TTN: variants seen among roughly 807,000 people sequenced by gnomAD.
The protein encoded by TTN is titin.
Under a neutral mutation model 3,223.0 loss-of-function variants are expected in TTN, and 1,525 were observed. That is an observed-to-expected ratio of 0.47 (90% CI 0.45 to 0.49). The LOEUF (loss-of-function observed/expected upper bound fraction) is 0.49, where lower values mean the gene tolerates loss of function less well. Ranked by LOEUF, TTN falls within the 20% of genes least tolerant of loss-of-function variation. TTN has a pLI of 0.00. For synonymous variants in TTN, 14,094 were observed against 15,161.0 expected (o/e 0.93, Z 5.17); for missense variants, 40,786 against 43,424.0 (o/e 0.94, Z 5.40).
In TTN at chr2:178,795,059, T is replaced by G; in HGVS notation, c.1108A>C (p.Ile370Leu). 6.2e-7 allele frequency: 1 copy of G among 1,613,828 alleles called. No individual in the cohort carries two copies. Among genetic ancestry groups the G allele is most frequent in the Admixed American group, 1.7e-5 (1 of 60,024 alleles). Residue 370 changes from isoleucine (I) to leucine (L), a missense_variant, in exon 7 of 363, where the codon ATC becomes CTC. By Grantham distance (5) the Ile-to-Leu change is conservative (BLOSUM62 2). Transcript: ENST00000589042. ...CCTTCCCATCTCTCTTCTGTCCTGATCTGAGTAGAGGTTGTCAGCGTTGTC... is the reference window on the plus strand; with the variant it reads ...CCTTCCCATCTCTCTTCTGTCCTGAGCTGAGTAGAGGTTGTCAGCGTTGTC... Reference protein sequence around the residue: ...RETTLTTSTQIRTEERWEGRY... With the variant: ...RETTLTTSTQLRTEERWEGRY...
At position 178,567,384 on chromosome 2, in the gene TTN, A is replaced by G. The variant is rs758482142; in HGVS notation, c.78748T>C (p.Leu26250=). The G allele has an allele frequency of 1.0e-5, 16 of 1,596,880 alleles. No homozygotes were observed. Among genetic ancestry groups the G allele is most frequent in the Non-Finnish European group, 1.0e-5 (12 of 1,172,956 alleles). ...CTAATTGCATCTTTTACAATAAGTA[A>G]AGCCTTGAAATCTGTGTTCTTTATT... ...CEIKNTDFKA[L]LIVKDAIRID... The change falls in exon 326 of 363, where the codon TTA becomes CTA. Residue 26250 remains leucine (L), a synonymous_variant. Transcript: ENST00000589042.
At chr2:178,761,658 A>G (rs2089236392) in intron 43 of TTN, among the ~76,000 whole-genome samples, 1 of 152,148 alleles carries the variant, frequency 6.6e-6, no homozygotes, top group Non-Finnish European at 1.5e-5. Flanking sequence ...TAGCACTTAC[A>G]ACCTTGGGAT....
chr2:178,529,613 C>T (rs1191949357), intron 359 of TTN, among the ~76,000 whole-genome samples: 1 of 152,166 alleles, frequency 6.6e-6, no homozygotes, highest in Non-Finnish European at 1.5e-5. Context: ...ATTAACTTTG[C>T]ACTGCTTTGG....
intron 239 of TTN, 72 bp from the exon 240 acceptor site, chr2:178,629,515 T>C: frequency 6.3e-7 from 1 of 1,596,828 alleles, no homozygotes; most frequent in South Asian, 1.1e-5. Context: ...GAGACTTAGA[T>C]ATGAATCTTC....
chr2:178,785,565 G>C, intron 15 of TTN, 55 bp downstream of exon 15: 5 of 1,611,042 alleles, frequency 3.1e-6, no homozygotes, highest in Non-Finnish European at 2.5e-6. Flanking sequence ...CTGTTTCACA[G>C]GTTAGATACT....
chr2:178,783,309 A>T, intron 17 of TTN, among the ~76,000 whole-genome samples: 1 of 152,326 alleles, frequency 6.6e-6, no homozygotes, highest in East Asian at 1.9e-4. Flanking sequence ...GGTATCACCA[A>T]CTGGAATGAA....
intron 240 of TTN, 43 bp from the exon 241 acceptor site, chr2:178,625,439 T>C: frequency 6.7e-7 from 1 of 1,492,622 alleles, no homozygotes; most frequent in East Asian, 2.5e-5. Flanking sequence ...AGCAATCTAG[T>C]ATATGGGTGC....
Position 178,677,620 on chromosome 2 carries a change from C to G in TTN, c.34291+1G>C, listed in dbSNP as rs1199851603. 6.2e-7 allele frequency: 1 copy of G among 1,608,800 alleles called. No homozygotes were observed. The highest frequency in any genetic ancestry group is 1.7e-5 in the Admixed American group (1 of 59,410). ...GATGATTCCAAGAAGAGCTGCTATA[C>G]CTGGTGCAGGTACTGGCACCTTAGG... On this transcript the variant is annotated splice_donor_variant, in intron 146 of 362. Coordinates refer to ENST00000589042, the MANE Select transcript of TTN (RefSeq NM_001267550.2). LOFTEE classifies it high-confidence loss of function.
chr2:178,532,568 G>A lies in TTN; in HGVS notation c.104047C>T (p.Leu34683Phe). 1 of 1,613,978 alleles carries A rather than the reference G, an allele frequency of 6.2e-7. No homozygotes were observed. The highest frequency in any genetic ancestry group is 8.5e-7 in the Non-Finnish European group (1 of 1,179,872). ...MKRTEEERLRLEEELELGFSA... is the reference protein window; with the variant it reads ...MKRTEEERLRFEEELELGFSA... ...AAACCTAACTCAAGCTCTTCTTCAA[G>A]ACGCAGCCTCTCTTCCTCTGTTCTT... The change falls in exon 358 of 363, where the codon CTT becomes TTT. Residue 34683 changes from leucine (L) to phenylalanine (F), a missense_variant. Physicochemically the swap from Leu to Phe is conservative, Grantham distance 22. Coordinates refer to ENST00000589042, the MANE Select transcript of TTN (RefSeq NM_001267550.2).
chr2:178,532,289 G>A lies in TTN; in HGVS notation c.104326C>T (p.Pro34776Ser). 1 of 1,613,902 alleles carries A rather than the reference G, an allele frequency of 6.2e-7. No homozygotes were observed. The highest frequency in any genetic ancestry group is 1.1e-5 in the South Asian group (1 of 91,076). Residue 34776 changes from proline (P) to serine (S), a missense_variant, in exon 358 of 363, where the codon CCA becomes TCA. Coordinates refer to ENST00000589042, the MANE Select transcript of TTN (RefSeq NM_001267550.2). ...AEREDEELLR[P>S]VTTTQHLSEY... Reference sequence around the variant, plus strand: ...GAGAGATGCTGGGTGGTCGTAACTGGGCGAAGCAACTCTTCATCCTCCCTC... The same window carrying A: ...GAGAGATGCTGGGTGGTCGTAACTGAGCGAAGCAACTCTTCATCCTCCCTC...
intron 163 of TTN, among the ~76,000 whole-genome samples, chr2:178,666,472 G>C (rs978573559): frequency 1.3e-5 from 2 of 152,076 alleles, no homozygotes; most frequent in East Asian, 1.9e-4. Flanking sequence ...AGGGTCTCAG[G>C]TGCTCTAATC....
chr2:178,600,665 C>T (rs1312953774), intron 288 of TTN, 189 bp downstream of exon 288: 3 of 679,124 alleles, frequency 4.4e-6, no homozygotes, highest in Non-Finnish European at 7.7e-6. Flanking sequence ...GAAAAGGTAA[C>T]AGGTAAGGGA....
chr2:178,544,407 A>C lies in TTN; in HGVS notation c.95822T>G (p.Ile31941Ser), dbSNP rs779376834. Residue 31941 changes from isoleucine (I) to serine (S), a missense_variant, in exon 345 of 363, where the codon ATT becomes AGT. Coordinates refer to ENST00000589042, the MANE Select transcript of TTN (RefSeq NM_001267550.2). ...TKPMYDGGTD[I>S]VGYVLEMQEK... ...TTGCATTTCCAGAACATATCCTACA[A>C]TGTCAGTACCACCATCGTACATGGG... 15 of 1,613,580 alleles carry C rather than the reference A, an allele frequency of 9.3e-6. No individual in the cohort carries two copies. Among genetic ancestry groups the C allele is most frequent in the Non-Finnish European group, 1.3e-5 (15 of 1,179,692 alleles).
intron 158 of TTN, 30 bp downstream of exon 158, chr2:178,669,562 T>C (rs1249639096): frequency 6.2e-7 from 1 of 1,609,654 alleles, no homozygotes; most frequent in Non-Finnish European, 8.5e-7. Context: ...CCAAGAATTA[T>C]TTCATGTTCT....
chr2:178,768,014 C>T lies in TTN; in HGVS notation c.9305G>A (p.Arg3102Lys). 6.2e-7 allele frequency: 1 copy of T among 1,614,098 alleles called. No homozygotes were observed. The highest frequency in any genetic ancestry group is 8.5e-7 in the Non-Finnish European group (1 of 1,180,000). ...KDDQELQITD[R>K]IKIQKEKYVH... is the part of the protein sequence containing the mutation. ...AATGTAGCAAGACAAAACAACTGAC[C>T]TGTCTGTGATCTGCAGTTCCTGGTC... is the stretch of plus-strand genomic sequence containing the variant. Residue 3102 changes from arginine to lysine, a missense_variant and splice_region_variant, in exon 39 of 363, where the codon AGA (arginine) becomes AAA (lysine). Physicochemically the swap from Arg to Lys is conservative, Grantham distance 26 (BLOSUM62 2). Transcript: ENST00000589042.
In TTN at chr2:178,534,452, C is replaced by A; in HGVS notation, c.102163G>T (p.Val34055Leu). The A allele has an allele frequency of 6.2e-7, 1 of 1,613,234 alleles. No homozygotes were observed. The highest frequency in any genetic ancestry group is 8.5e-7 in the Non-Finnish European group (1 of 1,179,808). The part of the protein sequence containing the change: ...EAMDFVDRLL[V>L]KERKSRMTAS... ...GTCATGCGAGATTTCCTCTCTTTCACTAACAACCGGTCAACAAAATCCATG... is the reference window on the plus strand; with the variant it reads ...GTCATGCGAGATTTCCTCTCTTTCAATAACAACCGGTCAACAAAATCCATG... Residue 34055 changes from valine to leucine, a missense_variant, in exon 358 of 363, where the codon GTG (valine) becomes TTG (leucine). Physicochemically the swap from Val to Leu is conservative, Grantham distance 32. Coordinates refer to ENST00000589042, the MANE Select transcript of TTN (RefSeq NM_001267550.2).
chr2:178,667,279 T>C lies in TTN; in HGVS notation c.35754A>G (p.Pro11918=). ...CTGGAATTTCAGGAATAGCCTCAGG[T>C]GGCTCCACCTCTGGAAAAATGCCTC... ...TTRGIFPEVE[P]PEAIPEIPEH... The change falls in exon 162 of 363, where the codon CCA becomes CCG. Residue 11918 remains proline (P), a synonymous_variant. Coordinates refer to ENST00000589042, the MANE Select transcript of TTN (RefSeq NM_001267550.2). 1.2e-6 allele frequency: 2 copies of C among 1,605,738 alleles called. No individual in the cohort carries two copies. Among genetic ancestry groups the C allele is most frequent in the Non-Finnish European group, 1.7e-6 (2 of 1,176,154 alleles).
intron 40 of TTN, 37 bp from the exon 41 acceptor site, chr2:178,766,649 A>C: frequency 6.5e-7 from 1 of 1,543,856 alleles, no homozygotes; most frequent in Non-Finnish European, 8.9e-7. Flanking sequence ...AACAACAACA[A>C]CAAAAACTTG....
chr2:178,652,005 C>A (rs750721294), intron 204 of TTN, 38 bp from the exon 205 acceptor site: 2 of 1,611,038 alleles, frequency 1.2e-6, no homozygotes, highest in Non-Finnish European at 1.7e-6. Context: ...CCAGAATTGA[C>A]TAAAACTGAG....
Sources: gnomAD v4.1 joint callset for allele counts (sites outside exome capture counted in the v4.1 genomes callset) on GRCh38, gnomAD v4.1.1 for gene constraint, MANE v1.5 for transcripts, NCBI Gene and HGNC (gene_info 2026-07-23, HGNC 2026-07-21) for gene names.